DAB1: variants seen among roughly 807,000 people sequenced by gnomAD.
DAB1 encodes DAB adaptor protein 1, also known as disabled homolog 1.
DAB1 carries 15 observed loss-of-function variants against 64.6 expected under a neutral mutation model. The observed-to-expected ratio is 0.23, with a 90% CI of 0.16 to 0.36. DAB1 has a LOEUF of 0.36. Among genes scored for constraint, DAB1 ranks in the 10% least tolerant of loss-of-function variants. The pLI, the probability that DAB1 is intolerant of heterozygous loss-of-function variation, is 1.00. For synonymous variants in DAB1, 235 were observed against 251.9 expected, an observed-to-expected ratio of 0.93 and a Z score of 0.64; for missense variants, 596 against 706.7, an observed-to-expected ratio of 0.84 and a Z score of 1.78.
intron 7 of DAB1, among the ~76,000 whole-genome samples, chr1:57,519,571 C>A (rs1235051104): frequency 1.3e-5 from 2 of 152,142 alleles, no homozygotes; most frequent in Non-Finnish European, 2.9e-5. Flanking sequence ...CACATCAAAG[C>A]CCCTAGATGC....
intron 7 of DAB1, among the ~76,000 whole-genome samples, chr1:57,433,018 A>T (rs1044180836): frequency 3.3e-5 from 5 of 152,214 alleles, no homozygotes; most frequent in Admixed American, 3.3e-4. Context: ...AAGTTGTGCA[A>T]GCTTTCTGCA....
At chr1:58,517,332 T>C (rs1276094315) in intron 2 of DAB1, among the ~76,000 whole-genome samples, 4 of 152,240 alleles carry the variant, frequency 2.6e-5, no homozygotes, top group African/African-American at 4.8e-5. Context: ...TTGAATTCTG[T>C]TGACATTTTA....
At chr1:58,144,818 G>C (rs1654501240) in intron 5 of DAB1, among the ~76,000 whole-genome samples, 1 of 152,202 alleles carries the variant, frequency 6.6e-6, no homozygotes, top group Admixed American at 6.5e-5. Flanking sequence ...CATGCAGCCT[G>C]GGCATACCAT....
chr1:57,357,934 G>C (rs1258031764), intron 1 of DAB1, among the ~76,000 whole-genome samples: 2 of 151,936 alleles, frequency 1.3e-5, no homozygotes, highest in East Asian at 3.9e-4. Context: ...GATAAGATTT[G>C]GGTGGAGACA....
chr1:57,510,596 C>G (rs1341277854), intron 7 of DAB1, among the ~76,000 whole-genome samples: 1 of 152,098 alleles, frequency 6.6e-6, no homozygotes, highest in Non-Finnish European at 1.5e-5. Context: ...TTTAGGGAAG[C>G]TCTTTATACC....
chr1:57,073,737 G>T (rs1651725912), intron 4 of DAB1, among the ~76,000 whole-genome samples: 1 of 152,196 alleles, frequency 6.6e-6, no homozygotes, highest in African/African-American at 2.4e-5. Flanking sequence ...CAAAGCCCTA[G>T]ATCCTTAGGG....
chr1:58,187,117 C>G (rs1161095643), intron 4 of DAB1, among the ~76,000 whole-genome samples: 1 of 152,012 alleles, frequency 6.6e-6, no homozygotes, highest in Admixed American at 6.6e-5. Context: ...ATAAGCTGTC[C>G]TGCGTCCCAA....
chr1:58,328,598 C>T (rs1662895293), intron 4 of DAB1, among the ~76,000 whole-genome samples: 1 of 152,020 alleles, frequency 6.6e-6, no homozygotes, highest in South Asian at 2.1e-4. Flanking sequence ...TTACTTTGTG[C>T]TCAATTTCTG....
At chr1:57,005,450 G>A (rs1646032724) in intron 14 of DAB1, among the ~76,000 whole-genome samples, 2 of 152,128 alleles carry the variant, frequency 1.3e-5, no homozygotes, top group Non-Finnish European at 2.9e-5. Flanking sequence ...AGGGATTTCT[G>A]TCTTCTCCTT....
chr1:57,689,879 A>G lies in DAB1; in HGVS notation n.552-40214T>C, dbSNP rs187644647. Among the ~76,000 whole-genome samples the G allele has an allele frequency of 2.0e-5, 3 of 152,106 alleles. No individual in the cohort carries two copies. The East Asian group carries it at 5.8e-4, about 29-fold the overall frequency. ...TCATTCCTTCTTCTTTTTTCCATTA[A>G]CTATCCCTGTCTCTCCCCTTTCCCC... On this transcript the variant is annotated intron_variant and non_coding_transcript_variant, in intron 6 of 20. Transcript: ENST00000485760.
chr1:58,408,954 A>G (rs1644642255), intron 3 of DAB1, among the ~76,000 whole-genome samples: 1 of 152,236 alleles, frequency 6.6e-6, no homozygotes, highest in African/African-American at 2.4e-5. Context: ...AACACAAGAG[A>G]TGAATTAGAT....
At chr1:57,053,688 A>ATATATATATT (rs1447741565) in intron 9 of DAB1, among the ~76,000 whole-genome samples, 1,147 of 71,352 alleles carry the variant, frequency 0.016, 32 homozygotes, top group Admixed American at 0.057. Context: ...ATATATATAT[A>ATATATATATT]TTTTTTTTTT....
intron 4 of DAB1, among the ~76,000 whole-genome samples, chr1:58,161,914 G>T (rs913595985): frequency 2.6e-5 from 4 of 152,130 alleles, no homozygotes; most frequent in African/African-American, 7.2e-5. Context: ...ATTTTAGAAA[G>T]ATTAGGCTGG....
chr1:58,411,660 C>G (rs1332517448), intron 3 of DAB1, among the ~76,000 whole-genome samples: 1 of 152,118 alleles, frequency 6.6e-6, no homozygotes, highest in African/African-American at 2.4e-5. Flanking sequence ...AAAGTGTATA[C>G]TGTTCAAAGA....
At chr1:58,363,530 T>C (rs1032548488) in intron 3 of DAB1, among the ~76,000 whole-genome samples, 1 of 152,198 alleles carries the variant, frequency 6.6e-6, no homozygotes, top group Non-Finnish European at 1.5e-5. Context: ...TAGAAGGAAG[T>C]TGATCAGTGC....
At chr1:58,285,060 G>C (rs967699983) in intron 4 of DAB1, among the ~76,000 whole-genome samples, 2 of 152,156 alleles carry the variant, frequency 1.3e-5, no homozygotes, top group Non-Finnish European at 2.9e-5. Context: ...AGGTTTACAT[G>C]ATTATCTCAA....
chr1:57,183,164 A>C lies in DAB1; in HGVS notation c.68-37735T>G, dbSNP rs1217761351. ...GAATGAAGAGGGAGTGAGGGGCCTG[A>C]TTATGGAGAGCCTGAAACTGACGGG... On this transcript the variant is annotated intron_variant, in intron 2 of 14. Coordinates refer to ENST00000371236, the MANE Select transcript of DAB1 (RefSeq NM_001365792.1). Among the ~76,000 whole-genome samples, 3 of 152,126 alleles carry C rather than the reference A, an allele frequency of 2.0e-5. No individual in the cohort carries two copies. The East Asian group carries it at 5.8e-4, about 30-fold the overall frequency.
chr1:57,238,633 C>T (rs1668264872), intron 2 of DAB1, among the ~76,000 whole-genome samples: 1 of 152,118 alleles, frequency 6.6e-6, no homozygotes, highest in Non-Finnish European at 1.5e-5. Flanking sequence ...CTTCCTGCAT[C>T]CTAAGAGGAG....
chr1:57,571,411 C>A (rs1332910804), intron 7 of DAB1, among the ~76,000 whole-genome samples: 1 of 152,142 alleles, frequency 6.6e-6, no homozygotes, highest in African/African-American at 2.4e-5. Flanking sequence ...CTGTGTATAC[C>A]AGCCCTCTAT....
Sources: gnomAD v4.1 joint callset for allele counts (sites outside exome capture counted in the v4.1 genomes callset) on GRCh38, gnomAD v4.1.1 for gene constraint, MANE v1.5 for transcripts, NCBI Gene and HGNC (gene_info 2026-07-23, HGNC 2026-07-21) for gene names.